The following TRPS1 variants were observed in gnomAD, a reference collection of about 807,000 sequenced individuals.
The protein encoded by TRPS1 is zinc finger transcription factor Trps1.
A neutral mutation model predicts 101.2 loss-of-function variants in TRPS1; 6 were observed. The ratio of observed to expected loss-of-function variants is 0.06; its 90% CI spans 0.03 to 0.12. The LOEUF is 0.12. Ranked by LOEUF, TRPS1 falls within the 10% of genes least tolerant of loss-of-function variation. TRPS1 has a pLI of 1.00. For synonymous variants in TRPS1, 578 were observed against 589.8 expected, an observed-to-expected ratio of 0.98 and a Z score of 0.29; for missense variants, 1,363 against 1,567.0, an observed-to-expected ratio of 0.87 and a Z score of 2.20.
intron 5 of TRPS1, among the ~76,000 whole-genome samples, chr8:115,432,588 T>C (rs946625285): frequency 6.6e-6 from 1 of 151,934 alleles, no homozygotes; most frequent in East Asian, 1.9e-4. Flanking sequence ...CAAACTAACA[T>C]TGAACTCAAT....
chr8:115,654,897 G>A (rs1047534411), intron 1 of TRPS1, among the ~76,000 whole-genome samples: 1 of 152,088 alleles, frequency 6.6e-6, no homozygotes, highest in Non-Finnish European at 1.5e-5. Context: ...ATTTCTCACT[G>A]CATCCTAATA....
chr8:115,498,371 CCG>C (rs1471387370), intron 5 of TRPS1, among the ~76,000 whole-genome samples: 620 of 52,480 alleles, frequency 0.012, 90 homozygotes, highest in Non-Finnish European at 0.017. Context: ...AAGAGAGAGC[CCG>C]TCTCTCTCTC....
At chr8:115,459,346 A>AATAATAATAATAATG (rs745311494) in intron 5 of TRPS1, among the ~76,000 whole-genome samples, 1 of 151,716 alleles carries the variant, frequency 6.6e-6, no homozygotes, top group Non-Finnish European at 1.5e-5. Flanking sequence ...TAATAATAAT[A>AATAATAATAATAATG]ATGATGTTAC....
intron 5 of TRPS1, among the ~76,000 whole-genome samples, chr8:115,559,282 C>T (rs899514657): frequency 6.6e-6 from 1 of 151,988 alleles, no homozygotes; most frequent in African/African-American, 2.4e-5. Flanking sequence ...AATATTGATA[C>T]AAAAGTGAGA....
chr8:115,447,037 G>C (rs886369460), intron 5 of TRPS1, among the ~76,000 whole-genome samples: 1 of 151,996 alleles, frequency 6.6e-6, no homozygotes, highest in South Asian at 2.1e-4. Context: ...TCCAAGACCC[G>C]GTGAATCAGA....
chr8:115,629,243 ATTTG>A (rs1342164419), intron 1 of TRPS1, among the ~76,000 whole-genome samples: 1 of 151,814 alleles, frequency 6.6e-6, no homozygotes, highest in Non-Finnish European at 1.5e-5. Context: ...GTTTTGAAGG[ATTTG>A]TTTTTGTTTT....
At chr8:115,500,167 T>A (rs1815278855) in intron 5 of TRPS1, among the ~76,000 whole-genome samples, 1 of 151,560 alleles carries the variant, frequency 6.6e-6, no homozygotes, top group African/African-American at 2.4e-5. Context: ...GTAGCTGGGA[T>A]TATAGGCACG....
intron 5 of TRPS1, among the ~76,000 whole-genome samples, chr8:115,506,399 T>G (rs1357251599): frequency 6.6e-6 from 1 of 152,168 alleles, no homozygotes; most frequent in South Asian, 2.1e-4. Flanking sequence ...TTAATCAAAC[T>G]CATCATTTTT....
At chr8:115,504,112 C>A (rs542902533) in intron 5 of TRPS1, among the ~76,000 whole-genome samples, 1 of 152,292 alleles carries the variant, frequency 6.6e-6, no homozygotes, top group East Asian at 1.9e-4. Flanking sequence ...TTCCTACTGG[C>A]ATCCAATTGG....
intron 5 of TRPS1, chr8:115,492,206 G>T (rs1429497791): frequency 2.2e-6 from 1 of 456,160 alleles, no homozygotes; most frequent in Non-Finnish European, 4.4e-6. Flanking sequence ...GAATCAGAGG[G>T]GTGACAGTGC....
intron 5 of TRPS1, chr8:115,515,276 T>A (rs1297409463): frequency 2.9e-6 from 2 of 697,944 alleles, no homozygotes; most frequent in Non-Finnish European, 5.2e-6. Context: ...CCAAGCAGAT[T>A]CAAAAACCTA....
chr8:115,424,095 A>C (rs1813133139), intron 5 of TRPS1, among the ~76,000 whole-genome samples: 1 of 152,216 alleles, frequency 6.6e-6, no homozygotes. Flanking sequence ...TTTTCTATGA[A>C]TAAGAACCAT....
intron 1 of TRPS1, among the ~76,000 whole-genome samples, chr8:115,647,917 A>G (rs1210313469): frequency 2.6e-5 from 4 of 151,978 alleles, no homozygotes; most frequent in Non-Finnish European, 5.9e-5. Context: ...CAAAAAAAAA[A>G]GCATGACTTT....
chr8:115,566,358 C>T (rs1476248768), intron 5 of TRPS1, among the ~76,000 whole-genome samples: 1 of 152,110 alleles, frequency 6.6e-6, no homozygotes, highest in East Asian at 1.9e-4. Context: ...GAAGAATACA[C>T]ACCTGTTGCT....
chr8:115,612,737 G>A (rs1818198149), intron 3 of TRPS1, among the ~76,000 whole-genome samples: 1 of 152,184 alleles, frequency 6.6e-6, no homozygotes, highest in Non-Finnish European at 1.5e-5. Context: ...AGAAATGCTA[G>A]GCCAGGAGAC....
chr8:115,665,495 T>C (rs1213211074), intron 1 of TRPS1, among the ~76,000 whole-genome samples: 5 of 152,188 alleles, frequency 3.3e-5, no homozygotes, highest in African/African-American at 9.7e-5. Context: ...TATTTCCTTA[T>C]AGGAAGAGAT....
intron 5 of TRPS1, among the ~76,000 whole-genome samples, chr8:115,502,826 G>A (rs556611870): frequency 6.6e-6 from 1 of 152,168 alleles, no homozygotes; most frequent in Admixed American, 6.5e-5. Context: ...TCATTACCAG[G>A]CACAGTGGGA....
chr8:115,502,757 T>C (rs1314767326), intron 5 of TRPS1, among the ~76,000 whole-genome samples: 20 of 152,168 alleles, frequency 1.3e-4, no homozygotes, highest in Non-Finnish European at 1.0e-4. Context: ...CACACATACA[T>C]GCATACACAT....
Position 115,602,957 on chromosome 8 carries a change from C to T in TRPS1, c.2096+916G>A, listed in dbSNP as rs143064813. Among the ~76,000 whole-genome samples, 57 of 152,270 alleles carry T rather than the reference C, an allele frequency of 3.7e-4. 1 individual carries two copies. Among genetic ancestry groups the T allele is most frequent in the Middle Eastern group, 3.4e-3 (1 of 294 alleles). On this transcript the variant is annotated intron_variant, in intron 4 of 6. Coordinates refer to ENST00000395715, the MANE Select transcript of TRPS1 (RefSeq NM_014112.5). ...GTTATGTTATCATTATATTCAAACA[C>T]ACTGCCTTGTACTTCATCTTTTATG...
Sources: gnomAD v4.1 joint callset for allele counts (sites outside exome capture counted in the v4.1 genomes callset) on GRCh38, gnomAD v4.1.1 for gene constraint, MANE v1.5 for transcripts, NCBI Gene and HGNC (gene_info 2026-07-23, HGNC 2026-07-21) for gene names.